ACAN: variants seen among roughly 807,000 people sequenced by gnomAD.
ACAN encodes the protein aggrecan core protein.
In ACAN, 47 loss-of-function variants were observed where a neutral mutation model predicts 169.1. The ratio of observed to expected loss-of-function variants is 0.28; its 90% CI spans 0.22 to 0.35. The LOEUF (loss-of-function observed/expected upper bound fraction) is 0.35. Among genes scored for constraint, ACAN ranks in the 10% least tolerant of loss-of-function variants. ACAN has a pLI of 1.00. For missense variants in ACAN, 2,716 were observed against 2,759.9 expected, an observed-to-expected ratio of 0.98 and a Z score of 0.36; for synonymous variants, 1,115 against 1,112.2, an observed-to-expected ratio of 1.00 and a Z score of -0.05.
chr15:88,857,060 C>T lies in ACAN; in HGVS notation c.4475C>T (p.Ser1492Phe). 6.2e-7 allele frequency: 1 copy of T among 1,612,440 alleles called. No individual in the cohort carries two copies. Among genetic ancestry groups the T allele is most frequent in the Non-Finnish European group, 8.5e-7 (1 of 1,179,030 alleles). ...GTAGAGGACATCAGTGGGCTTCCTTCTGGAGAGGTTGTAGAGACTTCTGCC... is the reference window on the plus strand; with the variant it reads ...GTAGAGGACATCAGTGGGCTTCCTTTTGGAGAGGTTGTAGAGACTTCTGCC... ...SGVEDISGLPSGEVVETSASG... is the reference protein window; with the variant it reads ...SGVEDISGLPFGEVVETSASG... The change falls in exon 12 of 19, where the codon TCT becomes TTT. Residue 1492 changes from serine (S) to phenylalanine (F), a missense_variant. Coordinates refer to ENST00000560601, the MANE Select transcript of ACAN (RefSeq NM_001369268.1).
At chr15:88,826,132 G>T (rs1043321559) in intron 1 of ACAN, among the ~76,000 whole-genome samples, 1 of 152,214 alleles carries the variant, frequency 6.6e-6, no homozygotes, top group Non-Finnish European at 1.5e-5. Context: ...AAAGGTTAGA[G>T]ACTCAGCTCA....
At chr15:88,837,886 C>CTTT (rs1555453564) in intron 2 of ACAN, among the ~76,000 whole-genome samples, 1 of 112,890 alleles carries the variant, frequency 8.9e-6, no homozygotes, top group Non-Finnish European at 1.9e-5. Context: ...ATGAAAGGTG[C>CTTT]TTTTTTTTTT....
intron 1 of ACAN, among the ~76,000 whole-genome samples, chr15:88,806,833 G>T (rs1455268815): frequency 1.3e-5 from 2 of 152,110 alleles, no homozygotes; most frequent in African/African-American, 4.8e-5. Context: ...TGCAGGTTGT[G>T]AGATCAATTT....
chr15:88,873,696 T>G lies in ACAN; in HGVS notation c.7448-146T>G, dbSNP rs1165257767. The G allele has an allele frequency of 7.4e-6, 6 of 806,542 alleles. No individual in the cohort carries two copies. The highest frequency in any genetic ancestry group is 1.2e-5 in the Non-Finnish European group (6 of 521,050). 50.0% of individuals were successfully genotyped at this position (806,542 alleles called of 1,614,324 possible). A position where few individuals can be genotyped will look rare whatever the true frequency, so the allele number is the denominator to read the frequency against. ...AACCCAGATGTTACAGCCAGCGGCTTCCAGATTCTTAGCGCTGCATGAAAA... is the reference window on the plus strand; with the variant it reads ...AACCCAGATGTTACAGCCAGCGGCTGCCAGATTCTTAGCGCTGCATGAAAA... On this transcript the variant is annotated intron_variant, in intron 17 of 18. Transcript: ENST00000560601. This position sits in a 1 kb window ranked among gnomAD's most constrained non-coding sequence, Gnocchi z 7.5.
At chr15:88,824,586 A>G (rs889579969) in intron 1 of ACAN, among the ~76,000 whole-genome samples, 3 of 152,102 alleles carry the variant, frequency 2.0e-5, no homozygotes, top group Non-Finnish European at 4.4e-5. Flanking sequence ...TCAAATAATA[A>G]TGATGCTATC....
chr15:88,865,119 C>T (rs1596152446), intron 13 of ACAN, among the ~76,000 whole-genome samples: 1 of 152,188 alleles, frequency 6.6e-6, no homozygotes, highest in Admixed American at 6.5e-5. Flanking sequence ...TTTTCTCTCC[C>T]AAGTTAGAGA....
Position 88,816,041 on chromosome 15 carries a change from C to T in ACAN, c.-8+12232C>T, listed in dbSNP as rs372367681. Among the ~76,000 whole-genome samples the T allele has an allele frequency of 7.9e-5, 12 of 152,268 alleles. No individual in the cohort carries two copies. The South Asian group carries it at 2.1e-3, about 26-fold the overall frequency. On this transcript the variant is annotated intron_variant, in intron 1 of 18. Transcript: ENST00000560601. Reference sequence around the variant, plus strand: ...TTTGGTGTTCCTTGGCTTGCAGCTGCGTCACTCCCATCTCTGCCTCGGCTG... The same window carrying T: ...TTTGGTGTTCCTTGGCTTGCAGCTGTGTCACTCCCATCTCTGCCTCGGCTG...
chr15:88,836,294 C>T lies in ACAN; in HGVS notation c.70+18C>T, dbSNP rs1896502046. ...AACTTCAGGTGAGGACATTCCTATA[C>T]ATGTTTCACGTATTCAGTAGGCATG... On this transcript the variant is annotated intron_variant, in intron 2 of 18. Transcript: ENST00000560601. 2 of 1,604,888 alleles carry T rather than the reference C, an allele frequency of 1.2e-6. No homozygotes were observed. The highest frequency in any genetic ancestry group is 1.1e-5 in the South Asian group (1 of 90,376).
Position 88,849,885 on chromosome 15 carries a change from C to A in ACAN, c.2026+154C>A. Reference sequence around the variant, plus strand: ...AGCCAGCTCTGAAACCAGCACAACGCAGGCTTTGACCCCAAGGCAAGGTCA... The same window carrying A: ...AGCCAGCTCTGAAACCAGCACAACGAAGGCTTTGACCCCAAGGCAAGGTCA... On this transcript the variant is annotated intron_variant, in intron 10 of 18. Coordinates refer to ENST00000560601, the MANE Select transcript of ACAN (RefSeq NM_001369268.1). This position sits in a 1 kb window ranked among gnomAD's most constrained non-coding sequence, Gnocchi z 5.1. 1 of 1,103,134 alleles carries A rather than the reference C, an allele frequency of 9.1e-7. No individual in the cohort carries two copies. Among genetic ancestry groups the A allele is most frequent in the Non-Finnish European group, 1.3e-6 (1 of 748,850 alleles). The allele number at this position is 1,103,134 out of a possible 1,614,324, so 68.3% of individuals were successfully genotyped here.
Position 88,866,704 on chromosome 15 carries a change from C to G in ACAN, c.6947-1512C>G, listed in dbSNP as rs1897285788. On this transcript the variant is annotated intron_variant, in intron 13 of 18. Coordinates refer to ENST00000560601, the MANE Select transcript of ACAN (RefSeq NM_001369268.1). This position sits in a 1 kb window ranked among gnomAD's most constrained non-coding sequence, Gnocchi z 5.6. ...CAGGCCACCTGTTGCACAAATCCGCCTCTGGCCTAGAAGATGTCTACTATG... is the reference window on the plus strand; with the variant it reads ...CAGGCCACCTGTTGCACAAATCCGCGTCTGGCCTAGAAGATGTCTACTATG... Among the ~76,000 whole-genome samples the G allele has an allele frequency of 6.6e-6, 1 of 152,162 alleles. No homozygotes were observed.
intron 1 of ACAN, among the ~76,000 whole-genome samples, chr15:88,826,375 T>A (rs1361944795): frequency 2.1e-5 from 1 of 47,964 alleles, no homozygotes; most frequent in Non-Finnish European, 4.2e-5. Context: ...CTTTTTTTTC[T>A]TTTTTTTTTT....
Position 88,807,065 on chromosome 15 carries a change from ATGATG to A in ACAN, c.-8+3258_-8+3262del, listed in dbSNP as rs1275211953. ...TTTTTTTTTTACTATATTGGTCCCA[ATGATG>A]TTTCTGTCTCAGAAATTTCAGCATT... is the stretch of plus-strand genomic sequence containing the variant. On this transcript the variant is annotated intron_variant, in intron 1 of 18. Transcript: ENST00000560601. The surrounding 1 kb of genome is among the most constrained non-coding windows in gnomAD (Gnocchi z 4.0). Among the ~76,000 whole-genome samples, 1 of 152,014 alleles carries A rather than the reference ATGATG, an allele frequency of 6.6e-6. No homozygotes were observed. Among genetic ancestry groups the A allele is most frequent in the African/African-American group, 2.4e-5 (1 of 41,370 alleles).
rs2280465 is a variant in ACAN, at chr15:88,874,398, G to T, written c.7631-7G>T. 4 of 1,597,030 alleles carry T rather than the reference G, an allele frequency of 2.5e-6. No individual in the cohort carries two copies. Among genetic ancestry groups the T allele is most frequent in the South Asian group, 1.1e-5 (1 of 88,012 alleles). On this transcript the variant is annotated splice_region_variant and splice_polypyrimidine_tract_variant and intron_variant, in intron 18 of 18. Coordinates refer to ENST00000560601, the MANE Select transcript of ACAN (RefSeq NM_001369268.1). This position sits in a 1 kb window ranked among gnomAD's most constrained non-coding sequence, Gnocchi z 7.3. ...ACTGATATCTTTCCATCTCCCTTTC[G>T]TCCTAGCCACCACCTACAAACGCAG...
rs540361430 is a variant in ACAN, at chr15:88,847,359, G to A, written c.1546G>A (p.Ala516Thr). 156 of 1,590,606 alleles carry A rather than the reference G, an allele frequency of 9.8e-5. 1 individual carries two copies. In the East Asian group the frequency reaches 3.0e-3, roughly 30 times the overall value. Residue 516 changes from alanine to threonine, a missense_variant, in exon 8 of 19, where the codon GCC becomes ACC. Transcript: ENST00000560601. ...VIASPEQLQAAYEAGYEQCDA... is the reference protein window; with the variant it reads ...VIASPEQLQATYEAGYEQCDA... ...TGCCTCGCCGGAGCAGCTCCAGGCC[G>A]CCTACGAAGCAGGCTATGAGCAGTG...
rs8030631 is a variant in ACAN at position 88,814,626 on chromosome 15, T to A, written c.-8+10817T>A. ...ATCACTCCAGAGGGCGCCATTCCAT[T>A]GTGGTCCATGGGAATAGCGACTCCT... On this transcript the variant is annotated intron_variant, in intron 1 of 18. Coordinates refer to ENST00000560601, the MANE Select transcript of ACAN (RefSeq NM_001369268.1). This position sits in a 1 kb window ranked among gnomAD's most constrained non-coding sequence, Gnocchi z 4.0. 6.6e-6 allele frequency among the ~76,000 whole-genome samples: 1 copy of A among 152,004 alleles called. No homozygotes were observed. Among genetic ancestry groups the A allele is most frequent in the Non-Finnish European group, 1.5e-5 (1 of 68,000 alleles).
intron 1 of ACAN, among the ~76,000 whole-genome samples, chr15:88,808,510 AC>A (rs1374354207): frequency 6.6e-6 from 1 of 152,110 alleles, no homozygotes; most frequent in African/African-American, 2.4e-5. Context: ...ACCAACCTGA[AC>A]CTGACCCCTC....
intron 13 of ACAN, among the ~76,000 whole-genome samples, chr15:88,863,839 G>C (rs1030661049): frequency 1.3e-5 from 2 of 152,224 alleles, no homozygotes; most frequent in African/African-American, 4.8e-5. Context: ...TAACCAAAAA[G>C]TTCCTGGGCA....
intron 13 of ACAN, among the ~76,000 whole-genome samples, chr15:88,867,116 A>C (rs967571506): frequency 9.2e-5 from 14 of 152,234 alleles, no homozygotes; most frequent in Admixed American, 4.6e-4. Context: ...TTTGAAGTAC[A>C]AATATGAAGA....
chr15:88,819,432 G>T (rs1371987856), intron 1 of ACAN, among the ~76,000 whole-genome samples: 1 of 152,086 alleles, frequency 6.6e-6, no homozygotes, highest in Non-Finnish European at 1.5e-5. Context: ...AGCAGGCACT[G>T]AGCAAATGTC....
Sources: gnomAD v4.1 joint callset for allele counts (sites outside exome capture counted in the v4.1 genomes callset) on GRCh38, gnomAD v4.1.1 for gene constraint, Gnocchi (gnomAD v3.1) non-coding constraint, MANE v1.5 for transcripts, NCBI Gene and HGNC (gene_info 2026-07-23, HGNC 2026-07-21) for gene names.